CPT2: variants seen among roughly 807,000 people sequenced by gnomAD.
CPT2 encodes carnitine palmitoyltransferase 2.
In CPT2, 37 loss-of-function variants were observed where a neutral mutation model predicts 48.6. The ratio of observed to expected loss-of-function variants is 0.76; its 90% CI spans 0.59 to 1.00. The LOEUF (loss-of-function observed/expected upper bound fraction) is 1.00, where lower values mean the gene tolerates loss of function less well. Among genes scored for constraint, CPT2 ranks in the 50% least tolerant of loss-of-function variants. The pLI, the probability that CPT2 is intolerant of heterozygous loss-of-function variation, is 0.00. For synonymous variants in CPT2, 319 were observed against 326.9 expected, an observed-to-expected ratio of 0.98 and a Z score of 0.26; for missense variants, 772 against 825.6, an observed-to-expected ratio of 0.94 and a Z score of 0.80.
rs574813724 is a variant in CPT2, at chr1:53,202,500, C to T, written c.340+71C>T. ...TAATGAAAAGTAAGGCATATTCTCT[C>T]CTGTTTTGGTCTCAGAGATATTTTT... On this transcript the variant is annotated intron_variant, in intron 3 of 4. Coordinates refer to ENST00000371486, the MANE Select transcript of CPT2 (RefSeq NM_000098.3). The T allele has an allele frequency of 1.4e-5, 18 of 1,253,670 alleles. 1 individual carries two copies. In the African/African-American group the frequency reaches 2.4e-4, roughly 16 times the overall value. The allele number at this position is 1,253,670 out of a possible 1,614,324, so 77.7% of individuals were successfully genotyped here.
chr1:53,206,172 G>C (rs1238718063), intron 3 of CPT2, among the ~76,000 whole-genome samples: 2 of 126,354 alleles, frequency 1.6e-5, no homozygotes, highest in Admixed American at 1.9e-4. Flanking sequence ...GACAGAGCAA[G>C]ACTCCATTTC....
intron 1 of CPT2, chr1:53,199,992 C>G (rs1017526835): frequency 6.6e-6 from 1 of 152,148 alleles, no homozygotes; most frequent in Non-Finnish European, 1.5e-5. Context: ...TTCAATAAAA[C>G]CAATGAATTG....
At chr1:53,204,607 C>T (rs1302922132) in intron 3 of CPT2, among the ~76,000 whole-genome samples, 1 of 152,072 alleles carries the variant, frequency 6.6e-6, no homozygotes, top group African/African-American at 2.4e-5. Context: ...TGAGGCTTGT[C>T]AGTTACAGGC....
chr1:53,206,951 A>C lies in CPT2; in HGVS notation c.341-3064A>C, dbSNP rs117261060. On this transcript the variant is annotated intron_variant, in intron 3 of 4. Coordinates refer to ENST00000371486, the MANE Select transcript of CPT2 (RefSeq NM_000098.3). ...TGGTTTGGCTCTGTGTCTCCAACCA[A>C]ATCTGATCTTGAATTGTAATAATCC... Among the ~76,000 whole-genome samples the C allele has an allele frequency of 2.5e-3, 376 of 152,298 alleles. 9 individuals are homozygous for C. In the East Asian group the frequency reaches 0.065, roughly 26 times the overall value.
At chr1:53,202,634 T>C (rs922447147) in intron 3 of CPT2, 1 of 610,252 alleles carries the variant, frequency 1.6e-6, no homozygotes. Flanking sequence ...TGCTCAAGAA[T>C]GATGGCCAGC....
In CPT2 at chr1:53,214,005, G is replaced by A. The variant is rs557500034; in HGVS notation, c.*410G>A. 2 of 211,698 alleles carry A rather than the reference G, an allele frequency of 9.4e-6. No homozygotes were observed. Among genetic ancestry groups the A allele is most frequent in the East Asian group, 2.5e-4 (2 of 8,102 alleles). 13.1% of individuals were successfully genotyped at this position (211,698 alleles called of 1,614,324 possible). A position where few individuals can be genotyped will look rare whatever the true frequency, so the allele number is the denominator to read the frequency against. On this transcript the variant is annotated 3_prime_UTR_variant, in exon 5 of 5. Coordinates refer to ENST00000371486, the MANE Select transcript of CPT2 (RefSeq NM_000098.3). ...GTGAAACTAATCATAAGCTGCCTAGGCAGCCAGCTACAGGCTTGAGCTTTA... is the reference window on the plus strand; with the variant it reads ...GTGAAACTAATCATAAGCTGCCTAGACAGCCAGCTACAGGCTTGAGCTTTA...
rs769115843 is a variant in CPT2 at position 53,210,278 on chromosome 1, T to TATG, written c.605_607dup (p.Tyr202_Gly203insAsp). 1 of 1,614,092 alleles carries TATG rather than the reference T, an allele frequency of 6.2e-7. No homozygotes were observed. Among genetic ancestry groups the TATG allele is most frequent in the African/African-American group, 1.3e-5 (1 of 74,944 alleles). On this transcript the variant is annotated inframe_insertion, in exon 4 of 5. Coordinates refer to ENST00000371486, the MANE Select transcript of CPT2 (RefSeq NM_000098.3). ...CTTTGTGCCTTCCTCTCTGTCCTGG[T>TATG]ATGGGGCCTACCTGGTCAATGCGTA... is the stretch of plus-strand genomic sequence containing the variant.
At position 53,210,207 on chromosome 1, in the gene CPT2, TGAACCC is replaced by T. The variant is rs772240606; in HGVS notation, c.534_539del (p.Leu178_Pro180delinsPhe). On this transcript the variant is annotated inframe_deletion, in exon 4 of 5. Transcript: ENST00000371486. ...CTTCTGGAGCCAGAAGTGTTCCACTTGAACCCTGCAAAAAGTGACACTATCACCTTC... is the reference window on the plus strand; with the variant it reads ...CTTCTGGAGCCAGAAGTGTTCCACTTTGCAAAAAGTGACACTATCACCTTC... 3.1e-5 allele frequency: 50 copies of T among 1,614,052 alleles called. No homozygotes were observed. Among genetic ancestry groups the T allele is most frequent in the African/African-American group, 4.0e-5 (3 of 74,910 alleles).
Position 53,210,899 on chromosome 1 carries a change from A to C in CPT2, c.1225A>C (p.Thr409Pro). ...GAGCCAGCCAGCTACCACTGACTCT[A>C]CTGTCACGGTGCAGAAACTCAACTT... ...PQSQPATTDS[T>P]VTVQKLNFEL... The change falls in exon 4 of 5, where the codon ACT becomes CCT. Residue 409 changes from threonine to proline, a missense_variant. Transcript: ENST00000371486. 6.2e-7 allele frequency: 1 copy of C among 1,614,206 alleles called. No individual in the cohort carries two copies.
At chr1:53,205,366 A>T (rs1405804897) in intron 3 of CPT2, among the ~76,000 whole-genome samples, 1 of 152,144 alleles carries the variant, frequency 6.6e-6, no homozygotes, top group African/African-American at 2.4e-5. Context: ...GACAGAAGAA[A>T]CTTCTAAGCA....
intron 3 of CPT2, chr1:53,209,188 C>G (rs1645405562): frequency 6.6e-6 from 1 of 152,004 alleles, no homozygotes; most frequent in South Asian, 2.1e-4. Context: ...TAATAAGACC[C>G]CATCTCTACC....
Position 53,211,163 on chromosome 1 carries a change from G to A in CPT2, c.1489G>A (p.Gly497Ser), listed in dbSNP as rs1479961277. Residue 497 changes from glycine (G) to serine (S), a missense_variant, in exon 4 of 5, where the codon GGC (glycine) becomes AGC (serine). Transcript: ENST00000371486. Reference protein sequence around the residue: ...ESCSTAAFKHGRTETIRPASV... With the variant: ...ESCSTAAFKHSRTETIRPASV... ...CTGTAGCACTGCCGCATTCAAGCAC[G>A]GCCGCACTGAGACCATCCGCCCGGC... The A allele has an allele frequency of 5.6e-6, 9 of 1,611,208 alleles. No homozygotes were observed. The highest frequency in any genetic ancestry group is 2.7e-5 in the African/African-American group (2 of 74,864).
chr1:53,205,371 T>C (rs1645380823), intron 3 of CPT2, among the ~76,000 whole-genome samples: 1 of 152,128 alleles, frequency 6.6e-6, no homozygotes, highest in South Asian at 2.1e-4. Context: ...AAGAAACTTC[T>C]AAGCAACAAA....
rs895966254 is a variant in CPT2, at chr1:53,209,726, A to T, written c.341-289A>T. 1.5e-5 allele frequency: 6 copies of T among 387,902 alleles called. No homozygotes were observed. In the Admixed American group the frequency reaches 2.0e-4, roughly 13 times the overall value. The allele number at this position is 387,902 out of a possible 1,614,324, so 24.0% of individuals were successfully genotyped here. On this transcript the variant is annotated intron_variant, in intron 3 of 4. Transcript: ENST00000371486. ...GGGAGGCGGAGGTTGCAGTGAGCCG[A>T]GATTGCAGCACTGTTCTCCAGCCTG...
At chr1:53,198,711 AG>A (rs1645338439) in intron 1 of CPT2, among the ~76,000 whole-genome samples, 1 of 152,234 alleles carries the variant, frequency 6.6e-6, no homozygotes, top group Non-Finnish European at 1.5e-5. Flanking sequence ...AGAATATTCA[AG>A]ATTATTTATT....
In CPT2 at chr1:53,210,768, C is replaced by T. The variant is rs1397857601; in HGVS notation, c.1094C>T (p.Ser365Phe). The change falls in exon 4 of 5, where the codon TCT (serine) becomes TTT (phenylalanine). Residue 365 changes from serine (S) to phenylalanine (F), a missense_variant. Ser to Phe is a radical substitution (Grantham distance 155). Coordinates refer to ENST00000371486, the MANE Select transcript of CPT2 (RefSeq NM_000098.3). ...SFNLIIAKDG[S>F]TAVHFEHSWG... The stretch of plus-strand genomic sequence containing the variant: ...AACCTCATTATCGCCAAGGATGGCT[C>T]TACTGCCGTCCACTTTGAGCACTCT... 3 of 1,614,062 alleles carry T rather than the reference C, an allele frequency of 1.9e-6. No individual in the cohort carries two copies. The highest frequency in any genetic ancestry group is 2.5e-6 in the Non-Finnish European group (3 of 1,180,040).
intron 2 of CPT2, 123 bp from the exon 3 acceptor site, chr1:53,202,199 TC>T: frequency 1.4e-6 from 1 of 726,810 alleles, no homozygotes. Context: ...CTTTCTGATC[TC>T]ATTCCAGGTT....
rs1645347407 is a variant in CPT2, at chr1:53,200,451, T to A, written c.153-268T>A. ...AAACAGGAATTCTTGGGGCAGCTTC[T>A]GCTTCCCCATTTTGAATCTATTATT... is the stretch of plus-strand genomic sequence containing the variant. On this transcript the variant is annotated intron_variant, in intron 1 of 4. Transcript: ENST00000371486. 4 of 369,756 alleles carry A rather than the reference T, an allele frequency of 1.1e-5. No individual in the cohort carries two copies. In the East Asian group the frequency reaches 1.8e-4, roughly 16 times the overall value. The allele number at this position is 369,756 out of a possible 1,614,324, so 22.9% of individuals were successfully genotyped here.
At chr1:53,197,220 G>A in intron 1 of CPT2, 125 bp downstream of exon 1, 1 of 1,173,602 alleles carries the variant, frequency 8.5e-7, no homozygotes, top group Non-Finnish European at 1.2e-6. Context: ...CATGGAGGCT[G>A]CCACAGCCCC....
Sources: gnomAD v4.1 joint callset for allele counts (sites outside exome capture counted in the v4.1 genomes callset) on GRCh38, gnomAD v4.1.1 for gene constraint, MANE v1.5 for transcripts, NCBI Gene and HGNC (gene_info 2026-07-23, HGNC 2026-07-21) for gene names.